The following TBC1D22A variants were observed in gnomAD, a reference collection of about 807,000 sequenced individuals.
TBC1D22A encodes the protein TBC1 domain family member 22A.
TBC1D22A carries 38 observed loss-of-function variants against 60.2 expected under a neutral mutation model. The observed-to-expected ratio is 0.63, with a 90% CI of 0.49 to 0.83. The LOEUF is 0.83. TBC1D22A is among the 40% of genes least tolerant of loss of function. TBC1D22A has a pLI of 0.00. For missense variants in TBC1D22A, 628 were observed against 701.0 expected (o/e 0.90, Z 1.18); for synonymous variants, 302 against 281.7 (o/e 1.07, Z -0.72).
At chr22:46,900,580 A>G (rs1439911771) in intron 7 of TBC1D22A, among the ~76,000 whole-genome samples, 1 of 152,142 alleles carries the variant, frequency 6.6e-6, no homozygotes, top group Non-Finnish European at 1.5e-5. Flanking sequence ...ACAACTGCTG[A>G]TCTTCTTTCT....
chr22:46,792,450 G>T (rs539597187), intron 1 of TBC1D22A, 70 bp from the exon 2 acceptor site: 2 of 1,605,556 alleles, frequency 1.2e-6, no homozygotes, highest in East Asian at 4.5e-5. Flanking sequence ...CCACCTTTCG[G>T]CTGAGCTGGT....
At chr22:46,939,887 C>A (rs1045429445) in intron 8 of TBC1D22A, among the ~76,000 whole-genome samples, 8 of 152,236 alleles carry the variant, frequency 5.3e-5, no homozygotes, top group African/African-American at 1.9e-4. Flanking sequence ...GGAAAGCTGG[C>A]ATCACTGCTT....
intron 11 of TBC1D22A, among the ~76,000 whole-genome samples, chr22:47,060,295 G>A (rs916063165): frequency 6.8e-6 from 1 of 147,214 alleles, no homozygotes; most frequent in African/African-American, 2.5e-5. Context: ...AGGCTGGAGT[G>A]CAATGGCATG....
intron 8 of TBC1D22A, among the ~76,000 whole-genome samples, chr22:46,960,287 G>A (rs2073425271): frequency 6.6e-6 from 1 of 151,528 alleles, no homozygotes; most frequent in Non-Finnish European, 1.5e-5. Context: ...TTGAGACGGA[G>A]TTTTTGCTCT....
chr22:46,822,342 A>G (rs2085867024), intron 4 of TBC1D22A, among the ~76,000 whole-genome samples: 1 of 151,608 alleles, frequency 6.6e-6, no homozygotes. Flanking sequence ...GGTTTTCAGC[A>G]TTTTTTCGTT....
At chr22:46,973,114 G>A (rs1451997588) in intron 8 of TBC1D22A, among the ~76,000 whole-genome samples, 1 of 152,200 alleles carries the variant, frequency 6.6e-6, no homozygotes, top group South Asian at 2.1e-4. Flanking sequence ...GTGTGAGTTA[G>A]CAATTGTGCA....
At chr22:47,053,824 G>A (rs936629317) in intron 11 of TBC1D22A, among the ~76,000 whole-genome samples, 9 of 152,310 alleles carry the variant, frequency 5.9e-5, no homozygotes, top group East Asian at 3.9e-4. Flanking sequence ...ATATACCAGC[G>A]CATTTAATCT....
chr22:47,092,410 C>A (rs1436211068), intron 11 of TBC1D22A, among the ~76,000 whole-genome samples: 1 of 152,184 alleles, frequency 6.6e-6, no homozygotes, highest in Non-Finnish European at 1.5e-5. Flanking sequence ...GAAGAAGGCA[C>A]TTCCCAGGCT....
At chr22:47,072,713 G>A (rs186723913) in intron 11 of TBC1D22A, among the ~76,000 whole-genome samples, 9 of 152,238 alleles carry the variant, frequency 5.9e-5, no homozygotes, top group Non-Finnish European at 1.3e-4. Context: ...ATGGCACCCC[G>A]ATCCGATTTA....
intron 11 of TBC1D22A, among the ~76,000 whole-genome samples, chr22:47,065,657 G>GGACTTAGCAGGCCTCGGAGTTGGGACT (rs1556045879): frequency 4.1e-4 from 61 of 150,568 alleles, no homozygotes; most frequent in East Asian, 1.2e-3. Flanking sequence ...GTTGGATTGA[G>GGACTTAGCAGGCCTCGGAGTTGGGACT]GGAGACCTGC....
chr22:47,021,077 C>T (rs1396008389), intron 10 of TBC1D22A, among the ~76,000 whole-genome samples: 2 of 152,210 alleles, frequency 1.3e-5, no homozygotes, highest in South Asian at 2.1e-4. Flanking sequence ...CCCAGTCAGG[C>T]CTCCTGATGA....
At chr22:46,792,188 A>G (rs2084440400) in intron 1 of TBC1D22A, among the ~76,000 whole-genome samples, 1 of 152,246 alleles carries the variant, frequency 6.6e-6, no homozygotes, top group Non-Finnish European at 1.5e-5. Context: ...CAGAGGCCTC[A>G]GTTCCTTCAT....
At chr22:46,866,752 C>T (rs1460636894) in intron 4 of TBC1D22A, among the ~76,000 whole-genome samples, 1 of 152,230 alleles carries the variant, frequency 6.6e-6, no homozygotes, top group Admixed American at 6.5e-5. Flanking sequence ...GCTGATGAGA[C>T]AGCCCTTCAG....
intron 4 of TBC1D22A, among the ~76,000 whole-genome samples, chr22:46,828,723 G>A (rs2086179249): frequency 6.6e-6 from 1 of 152,082 alleles, no homozygotes; most frequent in Non-Finnish European, 1.5e-5. Context: ...TCCCACTTAG[G>A]CCTTCTCCCA....
At chr22:46,876,098 T>C (rs1428988105) in intron 4 of TBC1D22A, among the ~76,000 whole-genome samples, 3 of 152,186 alleles carry the variant, frequency 2.0e-5, no homozygotes, top group Non-Finnish European at 4.4e-5. Flanking sequence ...AGTGGCGACG[T>C]CACAGAAACT....
At chr22:46,899,976 A>G (rs2068895509) in intron 7 of TBC1D22A, among the ~76,000 whole-genome samples, 2 of 151,992 alleles carry the variant, frequency 1.3e-5, no homozygotes, top group African/African-American at 2.4e-5. Context: ...ATCTATCGAA[A>G]CATTTGCTTA....
intron 10 of TBC1D22A, among the ~76,000 whole-genome samples, chr22:47,005,802 CACACTCTCCATAT>C (rs2061570364): frequency 6.6e-6 from 1 of 151,220 alleles, no homozygotes; most frequent in Non-Finnish European, 1.5e-5. Flanking sequence ...GCCTTATATA[CACACTCTCCATAT>C]ACACACCCCC....
At chr22:46,820,866 C>G (rs767502779) in intron 4 of TBC1D22A, among the ~76,000 whole-genome samples, 6 of 152,160 alleles carry the variant, frequency 3.9e-5, no homozygotes, top group Admixed American at 3.3e-4. Flanking sequence ...GTCTAAGTCT[C>G]TTTGTAGGTC....
chr22:46,853,189 C>T (rs1357031616), intron 4 of TBC1D22A, among the ~76,000 whole-genome samples: 1 of 152,170 alleles, frequency 6.6e-6, no homozygotes, highest in Non-Finnish European at 1.5e-5. Flanking sequence ...CTGCCTTCAT[C>T]CTCGGCTCTG....
Sources: gnomAD v4.1 joint callset for allele counts (sites outside exome capture counted in the v4.1 genomes callset) on GRCh38, gnomAD v4.1.1 for gene constraint, MANE v1.5 for transcripts, NCBI Gene and HGNC (gene_info 2026-07-23, HGNC 2026-07-21) for gene names.